Variants in TP53BP2 observed in about 807,000 individuals in gnomAD.
TP53BP2 encodes tumor protein p53 binding protein 2, also known as apoptosis-stimulating of p53 protein 2.
In TP53BP2, 62 loss-of-function variants were observed where a neutral mutation model predicts 126.2. The ratio of observed to expected loss-of-function variants is 0.49; its 90% CI spans 0.40 to 0.61. TP53BP2 has a LOEUF of 0.61. TP53BP2 is among the 20% of genes least tolerant of loss of function. The probability of loss-of-function intolerance (pLI) is 0.00; values close to 1 mark genes in which losing one functional copy is unlikely to be tolerated. For missense variants in TP53BP2, 1,215 were observed against 1,402.8 expected (o/e 0.87, Z 2.14); for synonymous variants, 485 against 502.9 (o/e 0.96, Z 0.48).
In TP53BP2 at chr1:223,793,398, C is replaced by T. The variant is rs1662215192; in HGVS notation, c.2767G>A (p.Ala923Thr). ...NLRKTGSERI[A>T]HGMRVKFNPL... ...TTGAATTTCACCCTCATTCCATGAGCGATACGCTCTGAGCCAGTTTTACGC... is the reference window on the plus strand; with the variant it reads ...TTGAATTTCACCCTCATTCCATGAGTGATACGCTCTGAGCCAGTTTTACGC... The change falls in exon 14 of 18, where the codon GCT becomes ACT. Residue 923 changes from alanine (A) to threonine (T), a missense_variant. Coordinates refer to ENST00000343537, the MANE Select transcript of TP53BP2 (RefSeq NM_001031685.3). The T allele has an allele frequency of 1.9e-6, 3 of 1,605,994 alleles. No homozygotes were observed. The highest frequency in any genetic ancestry group is 1.3e-5 in the African/African-American group (1 of 74,440).
chr1:223,798,385 G>C lies in TP53BP2; in HGVS notation c.1778C>G (p.Pro593Arg). The part of the protein sequence containing the change: ...PPAAAVRPFT[P>R]QPSKDTLLPP... ...AAGTAAGGTGTCTTTGGAAGGCTGG[G>C]GAGTAAAGGGCCGGACGGCAGCAGC... Residue 593 changes from proline (P) to arginine (R), a missense_variant, in exon 12 of 18, where the codon CCC becomes CGC. Pro to Arg is a moderately radical substitution (Grantham distance 103, BLOSUM62 -2). This residue lies in a region of TP53BP2 where 814 missense variants were observed against 853.0 expected (regional missense o/e 0.95). Transcript: ENST00000343537. 1 of 1,614,160 alleles carries C rather than the reference G, an allele frequency of 6.2e-7. No homozygotes were observed. The highest frequency in any genetic ancestry group is 8.5e-7 in the Non-Finnish European group (1 of 1,180,028).
At chr1:223,805,249 CAT>C (rs1662672553) in intron 5 of TP53BP2, among the ~76,000 whole-genome samples, 3 of 146,446 alleles carry the variant, frequency 2.0e-5, no homozygotes, top group Non-Finnish European at 4.4e-5. Context: ...AGTGAGAACC[CAT>C]CTCAAAAGAA....
chr1:223,790,045 G>A (rs1662097181), intron 15 of TP53BP2, among the ~76,000 whole-genome samples: 1 of 150,878 alleles, frequency 6.6e-6, no homozygotes, highest in Non-Finnish European at 1.5e-5. Flanking sequence ...GCCGAGGCGG[G>A]CAGATCACCT....
chr1:223,829,776 C>T (rs559254645), intron 1 of TP53BP2, among the ~76,000 whole-genome samples: 117 of 150,342 alleles, frequency 7.8e-4, no homozygotes, highest in Non-Finnish European at 3.1e-4. Flanking sequence ...ACCCATACTA[C>T]AAGGACAGCA....
At position 223,791,103 on chromosome 1, in the gene TP53BP2, G is replaced by A. The variant is rs748180299; in HGVS notation, c.2996+1286C>T. On this transcript the variant is annotated intron_variant, in intron 15 of 17. Transcript: ENST00000343537. Reference sequence around the variant, plus strand: ...GCTTAAAACATTACATATGTATTAGGAGCTTAACTATATTTGTGAAAAGCA... The same window carrying A: ...GCTTAAAACATTACATATGTATTAGAAGCTTAACTATATTTGTGAAAAGCA... 3.9e-4 allele frequency among the ~76,000 whole-genome samples: 59 copies of A among 151,944 alleles called. 1 individual carries two copies. The highest frequency in any genetic ancestry group is 8.2e-4 in the Non-Finnish European group (56 of 68,010).
intron 1 of TP53BP2, among the ~76,000 whole-genome samples, chr1:223,829,028 G>C (rs1322089672): frequency 1.3e-5 from 2 of 151,946 alleles, no homozygotes; most frequent in African/African-American, 2.4e-5. Flanking sequence ...TAGTATGTGA[G>C]AGATACAAAA....
chr1:223,798,214 C>T lies in TP53BP2; in HGVS notation c.1948+1G>A. On this transcript the variant is annotated splice_donor_variant, in intron 12 of 17. Transcript: ENST00000343537. LOFTEE classifies it high-confidence loss of function. Reference sequence around the variant, plus strand: ...TCACCTATGAACGTTAAGAACCTTACCACTTGAAAAGTGTGGCCCTCTGGT... The same window carrying T: ...TCACCTATGAACGTTAAGAACCTTATCACTTGAAAAGTGTGGCCCTCTGGT... The T allele has an allele frequency of 6.2e-7, 1 of 1,610,574 alleles. No homozygotes were observed. Among genetic ancestry groups the T allele is most frequent in the East Asian group, 2.2e-5 (1 of 44,840 alleles).
At chr1:223,827,167 A>T (rs374174576) in intron 1 of TP53BP2, among the ~76,000 whole-genome samples, 1 of 152,318 alleles carries the variant, frequency 6.6e-6, no homozygotes, top group East Asian at 1.9e-4. Context: ...GAGCATGCAG[A>T]GGCATTTAAA....
chr1:223,839,995 A>C (rs979209872), intron 1 of TP53BP2, among the ~76,000 whole-genome samples: 2 of 152,244 alleles, frequency 1.3e-5, no homozygotes, highest in African/African-American at 4.8e-5. Context: ...GAACATATTC[A>C]TTGAAAATCT....
chr1:223,784,365 C>G (rs746847691), intron 16 of TP53BP2, 51 bp from the exon 17 acceptor site: 1 of 1,558,136 alleles, frequency 6.4e-7, no homozygotes, highest in Non-Finnish European at 8.8e-7. Context: ...TTGGAGTATA[C>G]CACTCTACAA....
intron 12 of TP53BP2, among the ~76,000 whole-genome samples, chr1:223,797,595 G>C (rs570675399): frequency 6.6e-6 from 1 of 152,122 alleles, no homozygotes; most frequent in Admixed American, 6.5e-5. Context: ...TATTTTGGTA[G>C]AGGTGGGGCT....
chr1:223,844,363 G>A (rs1305378922), intron 1 of TP53BP2, among the ~76,000 whole-genome samples: 1 of 152,160 alleles, frequency 6.6e-6, no homozygotes, highest in African/African-American at 2.4e-5. Context: ...CAACTGATAC[G>A]TGTTTCTCTT....
chr1:223,797,417 G>A (rs957714031), intron 12 of TP53BP2, among the ~76,000 whole-genome samples: 6 of 151,192 alleles, frequency 4.0e-5, no homozygotes, highest in African/African-American at 1.2e-4. Flanking sequence ...ATATATGTAC[G>A]TATGTATGTT....
chr1:223,780,842 G>C lies in TP53BP2; in HGVS notation c.*11C>G. The C allele has an allele frequency of 6.2e-7, 1 of 1,613,052 alleles. No homozygotes were observed. The highest frequency in any genetic ancestry group is 8.5e-7 in the Non-Finnish European group (1 of 1,179,778). ...TTAATTCTTCATTGACTAAAATTCT[G>C]TGTGGAAGTTTCAGGCCAAGCTCCT... On this transcript the variant is annotated 3_prime_UTR_variant, in exon 18 of 18. Transcript: ENST00000343537.
intron 16 of TP53BP2, among the ~76,000 whole-genome samples, chr1:223,784,793 T>C (rs911082809): frequency 2.6e-5 from 4 of 152,224 alleles, no homozygotes; most frequent in South Asian, 2.1e-4. Flanking sequence ...ATGGTCTCTA[T>C]GAATTTCCGA....
chr1:223,803,079 A>T, intron 7 of TP53BP2, 184 bp from the exon 8 acceptor site: 1 of 893,358 alleles, frequency 1.1e-6, no homozygotes, highest in South Asian at 1.8e-5. Context: ...TGTGGTTATG[A>T]GGAATGTCTC....
intron 16 of TP53BP2, among the ~76,000 whole-genome samples, chr1:223,786,898 G>A (rs948130719): frequency 2.0e-5 from 3 of 147,066 alleles, no homozygotes; most frequent in Admixed American, 6.8e-5. Flanking sequence ...GAGCCACCGC[G>A]CCCGGCTTTT....
At chr1:223,793,276 A>T (rs1662212148) in intron 14 of TP53BP2, 27 bp downstream of exon 14, 1 of 1,520,378 alleles carries the variant, frequency 6.6e-7, no homozygotes. Context: ...TGACTCAAAA[A>T]AAAAAATTTA....
chr1:223,793,132 T>C (rs1662208169), intron 14 of TP53BP2, among the ~76,000 whole-genome samples, 171 bp downstream of exon 14: 1 of 152,106 alleles, frequency 6.6e-6, no homozygotes, highest in Non-Finnish European at 1.5e-5. Context: ...AACCCCACAA[T>C]GCCTAAAAGG....
Sources: allele counts gnomAD v4.1 joint callset (sites outside exome capture counted in the v4.1 genomes callset), GRCh38; gene constraint gnomAD v4.1.1; regional missense constraint gnomAD v4.1.1; transcripts MANE v1.5; gene names NCBI Gene and HGNC (gene_info 2026-07-23, HGNC 2026-07-21).